The following LIMS1 variants were observed in gnomAD, a reference collection of about 807,000 sequenced individuals.
LIMS1 encodes the protein LIM zinc finger domain containing 1.
In LIMS1, 18 loss-of-function variants were observed where a neutral mutation model predicts 44.1. That is an observed-to-expected ratio of 0.41 (90% CI 0.28 to 0.61). The LOEUF (loss-of-function observed/expected upper bound fraction) is 0.61. LIMS1 is among the 20% of genes least tolerant of loss of function. LIMS1 has a pLI of 0.32. For missense variants in LIMS1, 201 were observed against 422.0 expected (o/e 0.48, Z 4.59); for synonymous variants, 93 against 149.1 (o/e 0.62, Z 2.74).
intron 1 of LIMS1, among the ~76,000 whole-genome samples, chr2:108,645,516 C>T (rs1297825971): frequency 6.6e-6 from 1 of 152,152 alleles, no homozygotes; most frequent in Admixed American, 6.5e-5. Context: ...AAAGGAACAA[C>T]CGGTACGAGC....
chr2:108,573,045 A>G (rs1685539732), intron 1 of LIMS1, among the ~76,000 whole-genome samples: 1 of 152,200 alleles, frequency 6.6e-6, no homozygotes, highest in East Asian at 1.9e-4. Context: ...TTTCTAGTCT[A>G]TTGTTAAGTG....
intron 1 of LIMS1, among the ~76,000 whole-genome samples, chr2:108,599,697 TGTC>T (rs1686897922): frequency 6.6e-6 from 1 of 152,236 alleles, no homozygotes; most frequent in Admixed American, 6.5e-5. Context: ...TGTTATTGCC[TGTC>T]TTTTGGTTAT....
chr2:108,551,675 C>CAT (rs1479301580), intron 1 of LIMS1, among the ~76,000 whole-genome samples: 162 of 140,018 alleles, frequency 1.2e-3, no homozygotes, highest in Admixed American at 2.3e-3. Flanking sequence ...CACATATATA[C>CAT]ATATATACAC....
rs577913772 is a variant in LIMS1 at position 108,630,079 on chromosome 2, G to A, written c.33-29526G>A. ...CGTGGTGGCGTGCACCTGTAGTCCT[G>A]GCAACTTGGGAGGCTGAGGCTGGAG... On this transcript the variant is annotated intron_variant, in intron 1 of 9. Coordinates refer to ENST00000544547, the Ensembl canonical transcript of LIMS1. Among the ~76,000 whole-genome samples, 16 of 151,746 alleles carry A rather than the reference G, an allele frequency of 1.1e-4. 1 individual carries two copies. The South Asian group carries it at 3.3e-3, about 32-fold the overall frequency.
At chr2:108,570,817 C>T (rs1421702973) in intron 1 of LIMS1, among the ~76,000 whole-genome samples, 1 of 152,160 alleles carries the variant, frequency 6.6e-6, no homozygotes, top group African/African-American at 2.4e-5. Flanking sequence ...GCTCTGCAGT[C>T]CTGCCCTGGA....
At chr2:108,675,798 CCTT>C (rs1317561742) in intron 5 of LIMS1, 77 bp from the exon 6 acceptor site, 1 of 1,554,826 alleles carries the variant, frequency 6.4e-7, no homozygotes, top group African/African-American at 1.4e-5. Flanking sequence ...TCTTTAAAAA[CCTT>C]CTAAAAAGTG....
chr2:108,545,502 G>A (rs1023336388), intron 1 of LIMS1, among the ~76,000 whole-genome samples: 2 of 152,208 alleles, frequency 1.3e-5, no homozygotes, highest in African/African-American at 2.4e-5. Context: ...GCTTCCCAAA[G>A]TGCAGGGATT....
intron 7 of LIMS1, chr2:108,677,341 T>A (rs1692637747): frequency 6.5e-6 from 1 of 152,950 alleles, no homozygotes; most frequent in African/African-American, 2.4e-5. Context: ...TTAGATGAGG[T>A]TATACACAGC....
rs1558824073 is a variant in LIMS1, at chr2:108,642,354, TTTTGTTTTTTG to T, written c.33-17247_33-17237del. Among the ~76,000 whole-genome samples the T allele has an allele frequency of 2.5e-3, 27 of 10,646 alleles. 2 individuals are homozygous for T. Among genetic ancestry groups the T allele is most frequent in the Non-Finnish European group, 4.6e-3 (14 of 3,028 alleles). The allele number at this position is 10,646 out of a possible 152,430, so 7.0% of individuals were successfully genotyped here. A position where few individuals can be genotyped will look rare whatever the true frequency, so the allele number is the denominator to read the frequency against. ...ACTAGTGTTTTTTGTTTTTTTTTTT[TTTTGTTTTTTG>T]TTTTTTTTTTTTGAGACGGAGTCTC... On this transcript the variant is annotated intron_variant, in intron 1 of 9. Coordinates refer to ENST00000544547, the Ensembl canonical transcript of LIMS1.
chr2:108,662,116 G>A (rs1691417089), intron 2 of LIMS1: 2 of 1,599,134 alleles, frequency 1.3e-6, no homozygotes, highest in Admixed American at 1.7e-5. Context: ...AAAAAGACAG[G>A]CTTTGTTTTT....
chr2:108,665,075 C>T (rs1691655214), intron 2 of LIMS1, among the ~76,000 whole-genome samples: 1 of 152,164 alleles, frequency 6.6e-6, no homozygotes. Context: ...TATGTATTTT[C>T]TCATTAAGTA....
intron 2 of LIMS1, 52 bp from the exon 3 acceptor site, chr2:108,670,729 T>C: frequency 1.2e-6 from 2 of 1,610,922 alleles, no homozygotes; most frequent in South Asian, 2.2e-5. Context: ...AATAATTATA[T>C]TTCTCCTGTG....
rs1491560992 is a variant in LIMS1 at position 108,551,491 on chromosome 2, G to GCGCA, written c.32+16898_32+16899insGCAC. Among the ~76,000 whole-genome samples, 73 of 114,856 alleles carry GCGCA rather than the reference G, an allele frequency of 6.4e-4. 1 individual carries two copies. Among genetic ancestry groups the GCGCA allele is most frequent in the South Asian group, 6.3e-3 (23 of 3,654 alleles). The allele number at this position is 114,856 out of a possible 152,430, so 75.3% of individuals were successfully genotyped here. ...TCTATATACATATATGCGCGCGCGC[G>GCGCA]CACACACACACACACACACACACAC... On this transcript the variant is annotated intron_variant, in intron 1 of 9. Coordinates refer to ENST00000544547, the Ensembl canonical transcript of LIMS1.
intron 1 of LIMS1, among the ~76,000 whole-genome samples, chr2:108,560,524 C>T (rs763713407): frequency 2.6e-5 from 4 of 152,044 alleles, no homozygotes; most frequent in Non-Finnish European, 4.4e-5. Flanking sequence ...TACCCAAAGA[C>T]TGTGGCAGAG....
chr2:108,657,071 T>C (rs1690913310), intron 1 of LIMS1, among the ~76,000 whole-genome samples: 1 of 112,502 alleles, frequency 8.9e-6, no homozygotes, highest in Non-Finnish European at 1.8e-5. Flanking sequence ...AAGGATGGCA[T>C]TGCGTTACAT....
intron 1 of LIMS1, among the ~76,000 whole-genome samples, chr2:108,542,662 CA>C (rs1167194579): frequency 2.0e-5 from 3 of 152,196 alleles, no homozygotes; most frequent in African/African-American, 7.2e-5. Flanking sequence ...ATCTTATTGC[CA>C]ACCATACCAC....
intron 1 of LIMS1, among the ~76,000 whole-genome samples, chr2:108,585,422 C>T (rs1187769464): frequency 1.4e-5 from 2 of 148,080 alleles, no homozygotes; most frequent in Non-Finnish European, 2.9e-5. Flanking sequence ...TGGATTTAGG[C>T]ATGGTGGGGA....
At chr2:108,618,996 G>A (rs981385764) in intron 1 of LIMS1, among the ~76,000 whole-genome samples, 2 of 135,398 alleles carry the variant, frequency 1.5e-5, no homozygotes, top group African/African-American at 2.8e-5. Context: ...GTTTCAGCTC[G>A]TTTGTTTTAT....
chr2:108,569,599 G>A (rs1435384865), intron 1 of LIMS1, among the ~76,000 whole-genome samples: 2 of 151,860 alleles, frequency 1.3e-5, no homozygotes, highest in Non-Finnish European at 2.9e-5. Flanking sequence ...TGAGGTTTTT[G>A]TTGTTTGTTG....
Sources: gnomAD v4.1 joint callset for allele counts (sites outside exome capture counted in the v4.1 genomes callset) on GRCh38, gnomAD v4.1.1 for gene constraint, MANE v1.5 for transcripts, NCBI Gene and HGNC (gene_info 2026-07-23, HGNC 2026-07-21) for gene names.